The following TRIM33 variants were observed in gnomAD, a reference collection of about 807,000 sequenced individuals.
TRIM33 encodes tripartite motif containing 33, also known as E3 ubiquitin-protein ligase TRIM33.
Under a neutral mutation model 125.4 loss-of-function variants are expected in TRIM33, and 20 were observed. The observed-to-expected ratio is 0.16, with a 90% confidence interval of 0.11 to 0.23. The LOEUF (loss-of-function observed/expected upper bound fraction) is 0.23, where lower values mean the gene tolerates loss of function less well. Ranked by LOEUF, TRIM33 falls within the 10% of genes least tolerant of loss-of-function variation. The probability of loss-of-function intolerance (pLI) is 1.00; values close to 1 mark genes in which losing one functional copy is unlikely to be tolerated. For synonymous variants in TRIM33, 564 were observed against 513.9 expected (o/e 1.10, Z -1.32); for missense variants, 920 against 1,411.4 (o/e 0.65, Z 5.58).
chr1:114,429,808 T>C (rs1004736436), intron 6 of TRIM33, among the ~76,000 whole-genome samples: 1 of 152,150 alleles, frequency 6.6e-6, no homozygotes, highest in Non-Finnish European at 1.5e-5. Context: ...TTCCAGAGCA[T>C]GAAATTTTCA....
rs1004432567 is a variant in TRIM33, at chr1:114,463,320, A to G, written c.791-84T>C. 6 of 1,551,318 alleles carry G rather than the reference A, an allele frequency of 3.9e-6. No individual in the cohort carries two copies. In the African/African-American group the frequency reaches 4.2e-5, roughly 11 times the overall value. Reference sequence around the variant, plus strand: ...TAAATTCCTATTGATGTTGCTATCCAAAGTTTATAAAGAATAAGTAGAAAA... The same window carrying G: ...TAAATTCCTATTGATGTTGCTATCCGAAGTTTATAAAGAATAAGTAGAAAA... On this transcript the variant is annotated intron_variant, in intron 3 of 19. Transcript: ENST00000358465.
chr1:114,511,022 T>G lies in TRIM33; in HGVS notation c.55A>C (p.Ser19Arg). 1 of 1,320,900 alleles carries G rather than the reference T, an allele frequency of 7.6e-7. No individual in the cohort carries two copies. The highest frequency in any genetic ancestry group is 3.4e-5 in the East Asian group (1 of 29,750). 81.8% of individuals were successfully genotyped at this position (1,320,900 alleles called of 1,614,324 possible). A position where few individuals can be genotyped will look rare whatever the true frequency, so the allele number is the denominator to read the frequency against. ...EAESGGGGSG[S>R]APVTAGAAGP... is the part of the protein sequence containing the mutation. ...GCGGCCCCGGCAGTTACCGGCGCGC[T>G]GCCGCTGCCCCCGCCGCCGCTCTCA... The change falls in exon 1 of 20, where the codon AGC becomes CGC. Residue 19 changes from serine (S) to arginine (R), a missense_variant. Ser to Arg is a moderately radical substitution (Grantham distance 110). This residue lies in a region of TRIM33 where 233 missense variants were observed against 189.6 expected (regional missense o/e 1.23). Coordinates refer to ENST00000358465, the MANE Select transcript of TRIM33 (RefSeq NM_015906.4).
At chr1:114,438,692 A>G (rs1298735106) in intron 4 of TRIM33, among the ~76,000 whole-genome samples, 1 of 152,222 alleles carries the variant, frequency 6.6e-6, no homozygotes, top group Admixed American at 6.5e-5. Context: ...CTTCTTCTCC[A>G]GTAAAATACA....
At chr1:114,455,249 C>T (rs1449496800) in intron 4 of TRIM33, among the ~76,000 whole-genome samples, 2 of 152,184 alleles carry the variant, frequency 1.3e-5, no homozygotes, top group Non-Finnish European at 2.9e-5. Context: ...TATCCTCCTC[C>T]TCCTATAAAT....
intron 2 of TRIM33, 52 bp from the exon 3 acceptor site, chr1:114,463,608 TAAAAAAA>T (rs34437690): frequency 3.0e-4 from 253 of 830,006 alleles, no homozygotes; most frequent in Admixed American, 2.3e-3. Flanking sequence ...AATCTAGATC[TAAAAAAA>T]AAAAAAAACT....
chr1:114,400,579 A>T (rs1335496440), intron 17 of TRIM33, among the ~76,000 whole-genome samples: 1 of 152,262 alleles, frequency 6.6e-6, no homozygotes, highest in Non-Finnish European at 1.5e-5. Context: ...GCACTTAAAG[A>T]TGAGACAAAT....
At chr1:114,456,501 T>C (rs1178639159) in intron 4 of TRIM33, among the ~76,000 whole-genome samples, 3 of 152,174 alleles carry the variant, frequency 2.0e-5, no homozygotes, top group African/African-American at 7.2e-5. Context: ...GTTCCTAATA[T>C]GGTCTCAACA....
intron 1 of TRIM33, among the ~76,000 whole-genome samples, chr1:114,504,020 T>C (rs533006744): frequency 1.8e-4 from 27 of 152,340 alleles, no homozygotes; most frequent in Non-Finnish European, 2.9e-4. Flanking sequence ...CAAAATGTAA[T>C]ATAGTAATTG....
chr1:114,464,776 CA>C (rs1251638273), intron 1 of TRIM33, among the ~76,000 whole-genome samples: 4 of 152,074 alleles, frequency 2.6e-5, no homozygotes, highest in East Asian at 1.9e-4. Context: ...GTGACCTTAT[CA>C]GGGGGAGGAA....
intron 1 of TRIM33, among the ~76,000 whole-genome samples, chr1:114,486,557 A>C (rs918930741): frequency 4.0e-5 from 6 of 150,548 alleles, no homozygotes; most frequent in Admixed American, 6.6e-5. Context: ...AAAAAAAAAA[A>C]AAAAAAAAAC....
intron 11 of TRIM33, among the ~76,000 whole-genome samples, chr1:114,415,865 T>C (rs1652903714): frequency 2.0e-5 from 3 of 150,706 alleles, no homozygotes; most frequent in African/African-American, 7.3e-5. Flanking sequence ...GGCATAAGAA[T>C]TGCTTGAGCC....
rs1414122991 is a variant in TRIM33, at chr1:114,448,241, GA to G, written c.924-14509del. On this transcript the variant is annotated intron_variant, in intron 4 of 19. Coordinates refer to ENST00000358465, the MANE Select transcript of TRIM33 (RefSeq NM_015906.4). ...TTCTAAAGGAAGAGAGTTCATCTAA[GA>G]TAACAGAAATGTAGAAATATGGGTA... Among the ~76,000 whole-genome samples the G allele has an allele frequency of 1.1e-4, 17 of 152,302 alleles. No homozygotes were observed. The East Asian group carries it at 2.5e-3, about 22-fold the overall frequency.
At chr1:114,507,469 T>C (rs1401022311) in intron 1 of TRIM33, among the ~76,000 whole-genome samples, 1 of 152,182 alleles carries the variant, frequency 6.6e-6, no homozygotes, top group Admixed American at 6.5e-5. Flanking sequence ...TCAAAATCAC[T>C]TGAAAAAGAT....
rs568694015 is a variant in TRIM33, at chr1:114,478,828, G to A, written c.527-14440C>T. ...TTTGGGAGGCCAAGGTAGGTGGATC[G>A]CCTGAGGTCAGGAGTTCGAGACCAG... On this transcript the variant is annotated intron_variant, in intron 1 of 19. Transcript: ENST00000358465. 4.6e-5 allele frequency among the ~76,000 whole-genome samples: 7 copies of A among 152,208 alleles called. No individual in the cohort carries two copies. In the East Asian group the frequency reaches 7.7e-4, roughly 17 times the overall value.
At chr1:114,427,626 T>A in intron 7 of TRIM33, 122 bp downstream of exon 7, 1 of 1,002,852 alleles carries the variant, frequency 1.0e-6, no homozygotes, top group Non-Finnish European at 1.4e-6. Flanking sequence ...GTTTTCTGTA[T>A]CTTGATGTGG....
In TRIM33 at chr1:114,399,457, T is replaced by C. The variant is rs1469752578; in HGVS notation, c.3120A>G (p.Glu1040=). 4 of 1,612,420 alleles carry C rather than the reference T, an allele frequency of 2.5e-6. No individual in the cohort carries two copies. The highest frequency in any genetic ancestry group is 2.7e-5 in the African/African-American group (2 of 74,824). The change falls in exon 18 of 20, where the codon GAA becomes GAG. Residue 1040 remains glutamate (E), a splice_region_variant and synonymous_variant. Coordinates refer to ENST00000358465, the MANE Select transcript of TRIM33 (RefSeq NM_015906.4). The stretch of plus-strand genomic sequence containing the variant: ...CTCTATAGGTTGGAAGTTAACATAC[T>C]TCATTAAACCTTTCACAGTTCTTGA... ...LIFKNCERFN[E]MMKVVQVYAD...
chr1:114,435,425 T>C (rs1648216198), intron 4 of TRIM33, among the ~76,000 whole-genome samples: 1 of 152,206 alleles, frequency 6.6e-6, no homozygotes, highest in Admixed American at 6.5e-5. Context: ...TCACAATTAC[T>C]GTGTAATTGT....
At chr1:114,492,011 C>T (rs1652098831) in intron 1 of TRIM33, among the ~76,000 whole-genome samples, 1 of 152,124 alleles carries the variant, frequency 6.6e-6, no homozygotes, top group Non-Finnish European at 1.5e-5. Context: ...ACAAAAAGCA[C>T]AATGAGAACA....
intron 1 of TRIM33, among the ~76,000 whole-genome samples, chr1:114,507,346 C>A (rs535340087): frequency 5.9e-5 from 9 of 152,254 alleles, no homozygotes; most frequent in African/African-American, 2.2e-4. Context: ...GATCCAGGAA[C>A]CACACTCTGA....
Sources: allele counts gnomAD v4.1 joint callset (sites outside exome capture counted in the v4.1 genomes callset), GRCh38; gene constraint gnomAD v4.1.1; regional missense constraint gnomAD v4.1.1; transcripts MANE v1.5; gene names NCBI Gene and HGNC (gene_info 2026-07-23, HGNC 2026-07-21).